The following LPIN2 variants were observed in gnomAD, a reference collection of about 807,000 sequenced individuals.
LPIN2 encodes lipin 2, also known as phosphatidate phosphatase LPIN2.
LPIN2 carries 55 observed loss-of-function variants against 111.4 expected under a neutral mutation model. The observed-to-expected ratio is 0.49, with a 90% CI of 0.40 to 0.62. The LOEUF is 0.62. Ranked by LOEUF, LPIN2 falls within the 20% of genes least tolerant of loss-of-function variation. LPIN2 has a pLI of 0.00. For missense variants in LPIN2, 992 were observed against 1,112.1 expected (o/e 0.89, Z 1.54); for synonymous variants, 425 against 414.0 (o/e 1.03, Z -0.32).
chr18:2,980,867 G>T (rs1431941846), intron 1 of LPIN2, among the ~76,000 whole-genome samples: 1 of 152,168 alleles, frequency 6.6e-6, no homozygotes, highest in Non-Finnish European at 1.5e-5. Flanking sequence ...TACAAGTTTG[G>T]CTAAGAACTC....
chr18:2,964,288 A>C (rs1382099065), intron 1 of LPIN2, among the ~76,000 whole-genome samples: 1 of 147,270 alleles, frequency 6.8e-6, no homozygotes, highest in Non-Finnish European at 1.5e-5. Flanking sequence ...GTCTCAAAAA[A>C]AAAAAAAAAA....
In LPIN2 at chr18:2,950,986, C is replaced by A. The variant is rs1431292541; in HGVS notation, c.590+69G>T. On this transcript the variant is annotated intron_variant, in intron 4 of 19. Coordinates refer to ENST00000677752, the MANE Select transcript of LPIN2 (RefSeq NM_001375808.2). ...CTCACACTGTGTATCCATAAAAAAA[C>A]TGGCAGCTCCTGGCTTCACATGAAC... 2.6e-6 allele frequency: 4 copies of A among 1,559,846 alleles called. No individual in the cohort carries two copies. The East Asian group carries it at 6.7e-5, about 26-fold the overall frequency.
In LPIN2 at chr18:2,964,606, G is replaced by C. The variant is rs916407999; in HGVS notation, c.-9-3757C>G. ...GGCTGGCACTTTGATCTGTGAGAAT[G>C]GTAAGAAATAAATGTCTGTTGTTTA... On this transcript the variant is annotated intron_variant, in intron 1 of 19. Transcript: ENST00000677752. Among the ~76,000 whole-genome samples the C allele has an allele frequency of 3.7e-5, 4 of 106,698 alleles. No homozygotes were observed. In the East Asian group the frequency reaches 1.0e-3, roughly 27 times the overall value. 70.0% of individuals were successfully genotyped at this position (106,698 alleles called of 152,430 possible).
At chr18:3,012,655 C>A (rs2078626383) in intron 1 of LPIN2, among the ~76,000 whole-genome samples, 1 of 152,180 alleles carries the variant, frequency 6.6e-6, no homozygotes, top group Non-Finnish European at 1.5e-5. Context: ...GGGCCGGGGG[C>A]GGGATGGAGA....
At chr18:2,995,082 A>G (rs1451244709) in intron 1 of LPIN2, among the ~76,000 whole-genome samples, 3 of 152,186 alleles carry the variant, frequency 2.0e-5, no homozygotes, top group Non-Finnish European at 4.4e-5. Context: ...CCTGTCAGGT[A>G]GGACTGCTGT....
intron 6 of LPIN2, 71 bp from the exon 7 acceptor site, chr18:2,938,108 G>T (rs575027717): frequency 1.3e-5 from 15 of 1,167,334 alleles, no homozygotes; most frequent in South Asian, 6.2e-5. Flanking sequence ...TCCTAAGCTG[G>T]CAATGTGTTC....
chr18:2,960,267 A>T (rs1185699925), intron 2 of LPIN2, among the ~76,000 whole-genome samples: 1 of 151,066 alleles, frequency 6.6e-6, no homozygotes, highest in Non-Finnish European at 1.5e-5. Flanking sequence ...TGAAGGTATT[A>T]GCCTAAGTAT....
At chr18:2,998,125 G>T (rs1302869927) in intron 1 of LPIN2, among the ~76,000 whole-genome samples, 1 of 152,238 alleles carries the variant, frequency 6.6e-6, no homozygotes, top group East Asian at 1.9e-4. Flanking sequence ...GGAATCTTCA[G>T]AAACGTAAGG....
chr18:2,982,624 A>G (rs780334710), intron 1 of LPIN2: 1 of 931,292 alleles, frequency 1.1e-6, no homozygotes, highest in South Asian at 1.4e-5. Context: ...GTCCAGATTG[A>G]GCAAGCAGCG....
In LPIN2 at chr18:2,917,887, C is replaced by G. The variant is rs942083044; in HGVS notation, c.*2406G>C. On this transcript the variant is annotated 3_prime_UTR_variant, in exon 20 of 20. Coordinates refer to ENST00000677752, the MANE Select transcript of LPIN2 (RefSeq NM_001375808.2). ...CCTGCCATCTCCCTGAGCCGTCACC[C>G]GTCACTGAAGATAGCGCGAGGGTGA... 11 of 152,164 alleles carry G rather than the reference C, an allele frequency of 7.2e-5. No individual in the cohort carries two copies. Among genetic ancestry groups the G allele is most frequent in the Non-Finnish European group, 1.3e-4 (9 of 68,048 alleles). The allele number at this position is 152,164 out of a possible 1,614,324, so 9.4% of individuals were successfully genotyped here.
chr18:2,920,075 C>A lies in LPIN2; in HGVS notation c.*218G>T. Reference sequence around the variant, plus strand: ...AAGGAGGGATCCCAGGCCTCCAGCCCCAGGCCCAGTTCCTCCCTTCTCCTT... The same window carrying A: ...AAGGAGGGATCCCAGGCCTCCAGCCACAGGCCCAGTTCCTCCCTTCTCCTT... On this transcript the variant is annotated 3_prime_UTR_variant, in exon 20 of 20. Transcript: ENST00000677752. 1.6e-6 allele frequency: 1 copy of A among 618,476 alleles called. No homozygotes were observed. 38.3% of individuals were successfully genotyped at this position (618,476 alleles called of 1,614,324 possible).
intron 16 of LPIN2, 103 bp downstream of exon 16, chr18:2,923,671 TA>T (rs1437686979): frequency 1.0e-6 from 1 of 990,616 alleles, no homozygotes; most frequent in Non-Finnish European, 1.6e-6. Flanking sequence ...TGCTTCAGCA[TA>T]AACACATGAC....
At chr18:2,973,945 G>A (rs1350765318) in intron 1 of LPIN2, among the ~76,000 whole-genome samples, 2 of 152,148 alleles carry the variant, frequency 1.3e-5, no homozygotes, top group Non-Finnish European at 2.9e-5. Context: ...TCAGATTTTT[G>A]GATTAGGGAT....
intron 1 of LPIN2, chr18:2,967,183 A>G (rs1363505154): frequency 6.6e-6 from 1 of 152,228 alleles, no homozygotes. Context: ...AGAGGTGTCT[A>G]CTATTCACTA....
At chr18:2,974,129 C>CTG (rs2077969218) in intron 1 of LPIN2, among the ~76,000 whole-genome samples, 1 of 152,212 alleles carries the variant, frequency 6.6e-6, no homozygotes, top group Admixed American at 6.5e-5. Flanking sequence ...CAGTCTTGCT[C>CTG]TGTGGCCCAG....
chr18:2,947,379 A>G (rs982328369), intron 4 of LPIN2, among the ~76,000 whole-genome samples: 1 of 152,166 alleles, frequency 6.6e-6, no homozygotes, highest in African/African-American at 2.4e-5. Flanking sequence ...ACATCCATCC[A>G]TCCTCTAGAA....
At chr18:2,939,404 C>G (rs1260592661) in intron 6 of LPIN2, 76 bp downstream of exon 6, 1 of 1,587,140 alleles carries the variant, frequency 6.3e-7, no homozygotes, top group Non-Finnish European at 8.6e-7. Flanking sequence ...AAATTGCCTC[C>G]TTTACTTATG....
At chr18:2,982,695 G>T in intron 1 of LPIN2, 2 of 1,303,270 alleles carry the variant, frequency 1.5e-6, no homozygotes, top group South Asian at 1.2e-5. Context: ...ACTTGTCATG[G>T]TAAACATCTT....
intron 7 of LPIN2, among the ~76,000 whole-genome samples, chr18:2,936,073 C>A (rs1409537498): frequency 6.6e-6 from 1 of 152,184 alleles, no homozygotes; most frequent in Non-Finnish European, 1.5e-5. Flanking sequence ...AGCCACCATT[C>A]GCTAGATGGT....
Sources: allele counts gnomAD v4.1 joint callset (sites outside exome capture counted in the v4.1 genomes callset), GRCh38; gene constraint gnomAD v4.1.1; transcripts MANE v1.5; gene names NCBI Gene and HGNC (gene_info 2026-07-23, HGNC 2026-07-21).